Variants in ZBTB20 observed in about 807,000 individuals in gnomAD.
ZBTB20 encodes zinc finger and BTB domain containing 20.
Under a neutral mutation model 56.9 loss-of-function variants are expected in ZBTB20, and 9 were observed. The observed-to-expected ratio is 0.16, with a 90% CI of 0.10 to 0.28. The LOEUF (loss-of-function observed/expected upper bound fraction) is 0.28, where lower values mean the gene tolerates loss of function less well. Ranked by LOEUF, ZBTB20 falls within the 10% of genes least tolerant of loss-of-function variation. ZBTB20 has a pLI of 1.00. For missense variants in ZBTB20, 655 were observed against 1,003.0 expected, an observed-to-expected ratio of 0.65 and a Z score of 4.69; for synonymous variants, 417 against 420.7, an observed-to-expected ratio of 0.99 and a Z score of 0.11.
chr3:114,977,726 G>A (rs958042412), intron 2 of ZBTB20, among the ~76,000 whole-genome samples: 2 of 152,210 alleles, frequency 1.3e-5, no homozygotes, highest in East Asian at 3.9e-4. Flanking sequence ...GAACTCCAAT[G>A]TGGGAAGGAC....
At chr3:114,346,915 G>A (rs1258775679) in intron 11 of ZBTB20, among the ~76,000 whole-genome samples, 2 of 151,708 alleles carry the variant, frequency 1.3e-5, no homozygotes, top group Admixed American at 6.6e-5. Flanking sequence ...CAAACTCCTC[G>A]GCTCAAGTGA....
intron 5 of ZBTB20, among the ~76,000 whole-genome samples, chr3:114,782,202 G>T (rs2070155908): frequency 6.6e-6 from 1 of 152,098 alleles, no homozygotes; most frequent in Non-Finnish European, 1.5e-5. Flanking sequence ...GTAATGATTT[G>T]TTTACATATA....
chr3:114,426,553 C>T (rs1477283702), intron 7 of ZBTB20, among the ~76,000 whole-genome samples: 2 of 151,976 alleles, frequency 1.3e-5, no homozygotes, highest in African/African-American at 2.4e-5. Context: ...TAAGGCCCAC[C>T]TTAATCCACA....
At chr3:114,501,303 T>C (rs902956312) in intron 6 of ZBTB20, among the ~76,000 whole-genome samples, 5 of 152,202 alleles carry the variant, frequency 3.3e-5, no homozygotes, top group African/African-American at 1.2e-4. Context: ...TCTTGTTCTA[T>C]GTTTAAAATC....
At chr3:115,015,680 T>C (rs1188155189) in intron 2 of ZBTB20, among the ~76,000 whole-genome samples, 1 of 151,990 alleles carries the variant, frequency 6.6e-6, no homozygotes, top group Non-Finnish European at 1.5e-5. Context: ...TAGTATTCCA[T>C]GATATATATT....
intron 5 of ZBTB20, among the ~76,000 whole-genome samples, chr3:114,766,344 C>T (rs1460235242): frequency 6.6e-6 from 1 of 152,068 alleles, no homozygotes; most frequent in Non-Finnish European, 1.5e-5. Context: ...GAAACAGTAA[C>T]ATTCCCATAT....
intron 6 of ZBTB20, among the ~76,000 whole-genome samples, chr3:114,657,471 T>C (rs1027469931): frequency 7.9e-5 from 12 of 152,216 alleles, no homozygotes; most frequent in African/African-American, 2.7e-4. Flanking sequence ...CAGGCACTTA[T>C]AGGCTCCCAC....
chr3:114,989,038 C>A (rs2078681850), intron 2 of ZBTB20, among the ~76,000 whole-genome samples: 1 of 151,944 alleles, frequency 6.6e-6, no homozygotes, highest in Non-Finnish European at 1.5e-5. Context: ...AAATTTTCTC[C>A]CATTCTGTAG....
At chr3:114,956,750 A>T (rs1478106998) in intron 3 of ZBTB20, among the ~76,000 whole-genome samples, 1 of 152,190 alleles carries the variant, frequency 6.6e-6, no homozygotes, top group Non-Finnish European at 1.5e-5. Flanking sequence ...TTGACTCTGC[A>T]TTTTCCTCAA....
At chr3:114,575,074 T>G (rs1473368602) in intron 6 of ZBTB20, among the ~76,000 whole-genome samples, 1 of 152,192 alleles carries the variant, frequency 6.6e-6, no homozygotes, top group African/African-American at 2.4e-5. Flanking sequence ...CAGAGTTTAA[T>G]GAACTACCCA....
intron 6 of ZBTB20, among the ~76,000 whole-genome samples, chr3:114,613,664 T>C (rs570541113): frequency 6.6e-6 from 1 of 152,234 alleles, no homozygotes; most frequent in East Asian, 1.9e-4. Context: ...ATGGATTCCT[T>C]ATATGTTCTC....
At position 114,646,945 on chromosome 3, in the gene ZBTB20, A is replaced by G. The variant is rs188166864; in HGVS notation, c.-295+46583T>C. On this transcript the variant is annotated intron_variant, in intron 6 of 11. Transcript: ENST00000675478. ...GAAGGTACTTAATCAAGGCAGTTTT[A>G]TTTTATTTTATTTTATTTATTTATT... 3.4e-3 allele frequency among the ~76,000 whole-genome samples: 512 copies of G among 152,048 alleles called. 1 individual carries two copies. Among genetic ancestry groups the G allele is most frequent in the Non-Finnish European group, 5.4e-3 (365 of 67,932 alleles).
chr3:114,505,219 A>G (rs868703691), intron 6 of ZBTB20, among the ~76,000 whole-genome samples: 1 of 152,196 alleles, frequency 6.6e-6, no homozygotes, highest in Non-Finnish European at 1.5e-5. Context: ...AAGCCTAGGC[A>G]CTATTACTGT....
intron 2 of ZBTB20, among the ~76,000 whole-genome samples, chr3:115,065,077 T>C (rs2108491903): frequency 6.6e-6 from 1 of 152,302 alleles, no homozygotes; most frequent in Non-Finnish European, 1.5e-5. Flanking sequence ...ATTAATCAGA[T>C]GTTCAGCTTG....
Position 114,979,968 on chromosome 3 carries a change from G to A in ZBTB20, c.-506-5552C>T, listed in dbSNP as rs570569970. On this transcript the variant is annotated intron_variant, in intron 2 of 11. Transcript: ENST00000675478. ...GTCAAATTCCATGGAGCTGGAGCTCGAGAGCAACAACAAAAGACCATTCAC... is the reference window on the plus strand; with the variant it reads ...GTCAAATTCCATGGAGCTGGAGCTCAAGAGCAACAACAAAAGACCATTCAC... Among the ~76,000 whole-genome samples, 10 of 152,086 alleles carry A rather than the reference G, an allele frequency of 6.6e-5. No homozygotes were observed. In the South Asian group the frequency reaches 1.5e-3, roughly 22 times the overall value.
chr3:114,411,632 AG>A (rs1393565355), intron 7 of ZBTB20, among the ~76,000 whole-genome samples: 1 of 152,132 alleles, frequency 6.6e-6, no homozygotes, highest in Non-Finnish European at 1.5e-5. Flanking sequence ...GTAATGGATC[AG>A]GGAGCTGAAA....
At chr3:114,458,607 A>C (rs2092163008) in intron 7 of ZBTB20, among the ~76,000 whole-genome samples, 1 of 152,186 alleles carries the variant, frequency 6.6e-6, no homozygotes, top group Non-Finnish European at 1.5e-5. Context: ...AAAAAATACC[A>C]ATGAAAACTT....
chr3:114,611,622 T>C (rs1475350938), intron 6 of ZBTB20, among the ~76,000 whole-genome samples: 2 of 152,256 alleles, frequency 1.3e-5, no homozygotes, highest in East Asian at 3.9e-4. Flanking sequence ...TACCCAATCC[T>C]AGGTTGGACT....
chr3:114,451,585 T>A (rs1300628983), intron 7 of ZBTB20, among the ~76,000 whole-genome samples: 1 of 152,068 alleles, frequency 6.6e-6, no homozygotes, highest in African/African-American at 2.4e-5. Context: ...CACACACATA[T>A]GCATGTGCGC....
Sources: allele counts gnomAD v4.1 joint callset (sites outside exome capture counted in the v4.1 genomes callset), GRCh38; gene constraint gnomAD v4.1.1; transcripts MANE v1.5; gene names NCBI Gene and HGNC (gene_info 2026-07-23, HGNC 2026-07-21).